The following NOL4 variants were observed in gnomAD, a reference collection of about 807,000 sequenced individuals.
NOL4 encodes cancer/testis antigen 125.
Under a neutral mutation model 75.9 loss-of-function variants are expected in NOL4, and 17 were observed. The ratio of observed to expected loss-of-function variants is 0.22; its 90% CI spans 0.15 to 0.34. NOL4 has a LOEUF of 0.34. NOL4 is among the 10% of genes least tolerant of loss of function. NOL4 has a pLI of 1.00. For missense variants in NOL4, 614 were observed against 793.5 expected, an observed-to-expected ratio of 0.77 and a Z score of 2.72; for synonymous variants, 292 against 289.9, an observed-to-expected ratio of 1.01 and a Z score of -0.07.
At chr18:34,003,412 A>G (rs937745662) in intron 6 of NOL4, among the ~76,000 whole-genome samples, 1 of 152,138 alleles carries the variant, frequency 6.6e-6, no homozygotes, top group Non-Finnish European at 1.5e-5. Flanking sequence ...TTTGTTTAAA[A>G]AGTGAAATAA....
chr18:34,039,883 T>C (rs1311065261), intron 5 of NOL4, among the ~76,000 whole-genome samples: 4 of 151,988 alleles, frequency 2.6e-5, no homozygotes, highest in Non-Finnish European at 5.9e-5. Context: ...GTTTTTCACT[T>C]TCAGCTCAGC....
intron 1 of NOL4, among the ~76,000 whole-genome samples, chr18:34,210,454 A>G (rs925961220): frequency 7.2e-5 from 11 of 152,224 alleles, no homozygotes; most frequent in Non-Finnish European, 1.3e-4. Context: ...TCACATAATT[A>G]TAAGTGAAAC....
chr18:33,962,923 C>G (rs1001156106), intron 6 of NOL4, among the ~76,000 whole-genome samples: 1 of 152,156 alleles, frequency 6.6e-6, no homozygotes, highest in Non-Finnish European at 1.5e-5. Flanking sequence ...TGCAATCTTG[C>G]AGATCTGAAA....
chr18:33,921,509 G>A (rs1388778700), intron 9 of NOL4, among the ~76,000 whole-genome samples: 4 of 152,274 alleles, frequency 2.6e-5, no homozygotes, highest in East Asian at 3.9e-4. Context: ...GTTAAGATGA[G>A]GCAATACTGA....
In NOL4 at chr18:33,852,759, C is replaced by T; in HGVS notation, c.*83G>A. The T allele has an allele frequency of 1.7e-6, 2 of 1,196,454 alleles. No homozygotes were observed. The highest frequency in any genetic ancestry group is 2.4e-6 in the Non-Finnish European group (2 of 836,338). The allele number at this position is 1,196,454 out of a possible 1,614,324, so 74.1% of individuals were successfully genotyped here. A position where few individuals can be genotyped will look rare whatever the true frequency, so the allele number is the denominator to read the frequency against. The stretch of plus-strand genomic sequence containing the variant: ...CTCTTAAAAGACTGTGCAGTAAGAC[C>T]AGAAGTATCTCTGTTGGGAAATCAA... On this transcript the variant is annotated 3_prime_UTR_variant, in exon 11 of 11. Transcript: ENST00000261592.
intron 10 of NOL4, among the ~76,000 whole-genome samples, chr18:33,857,326 C>T (rs1207861799): frequency 6.6e-6 from 1 of 151,616 alleles, no homozygotes; most frequent in Non-Finnish European, 1.5e-5. Flanking sequence ...GATTTTACTT[C>T]TTCTTTTAAC....
intron 6 of NOL4, among the ~76,000 whole-genome samples, chr18:34,002,257 T>A (rs1216103324): frequency 1.3e-5 from 2 of 152,154 alleles, no homozygotes; most frequent in East Asian, 3.9e-4. Flanking sequence ...GACTCATTTT[T>A]TTCCAGTAGC....
chr18:34,106,770 C>A (rs925866404), intron 2 of NOL4, among the ~76,000 whole-genome samples: 3 of 151,912 alleles, frequency 2.0e-5, no homozygotes, highest in Admixed American at 6.6e-5. Context: ...AGGGAATAAA[C>A]ACTTCTAACT....
chr18:34,204,435 T>TGG (rs766620298), intron 1 of NOL4, among the ~76,000 whole-genome samples: 10,661 of 152,230 alleles, frequency 0.07, 724 homozygotes, highest in African/African-American at 0.18. Flanking sequence ...ATCCTTCTCT[T>TGG]ATCCTTTTAT....
chr18:34,137,611 A>G (rs2080946680), intron 1 of NOL4, among the ~76,000 whole-genome samples: 1 of 152,178 alleles, frequency 6.6e-6, no homozygotes, highest in East Asian at 1.9e-4. Flanking sequence ...TAGGATTGCT[A>G]TATTAAATAA....
intron 5 of NOL4, among the ~76,000 whole-genome samples, chr18:34,083,643 A>G (rs1334207625): frequency 6.6e-6 from 1 of 152,210 alleles, no homozygotes; most frequent in Non-Finnish European, 1.5e-5. Context: ...GTTGTCAATA[A>G]TACTTAAATA....
In NOL4 at chr18:33,852,210, G is replaced by T. The variant is rs1308497617; in HGVS notation, c.*632C>A. 1 of 152,372 alleles carries T rather than the reference G, an allele frequency of 6.6e-6. No homozygotes were observed. Among genetic ancestry groups the T allele is most frequent in the South Asian group, 2.1e-4 (1 of 4,824 alleles). The allele number at this position is 152,372 out of a possible 1,614,324, so 9.4% of individuals were successfully genotyped here. On this transcript the variant is annotated 3_prime_UTR_variant, in exon 11 of 11. Coordinates refer to ENST00000261592, the MANE Select transcript of NOL4 (RefSeq NM_003787.5). ...GCATCAAGTGTTATTTTTGTAGAAA[G>T]AATTTGGAAAGAGGAGAAGGCAAAG...
intron 1 of NOL4, among the ~76,000 whole-genome samples, chr18:34,147,552 C>A (rs1600724156): frequency 6.6e-6 from 1 of 152,090 alleles, no homozygotes; most frequent in Non-Finnish European, 1.5e-5. Context: ...AGCCTTGCAT[C>A]CCAGGTGTGA....
chr18:34,043,968 G>C (rs2076251114), intron 5 of NOL4, among the ~76,000 whole-genome samples: 1 of 152,028 alleles, frequency 6.6e-6, no homozygotes, highest in South Asian at 2.1e-4. Context: ...TAAATAAAAA[G>C]AGTTCCATCC....
intron 4 of NOL4, among the ~76,000 whole-genome samples, chr18:34,095,831 C>T (rs565636723): frequency 6.6e-6 from 1 of 151,902 alleles, no homozygotes; most frequent in African/African-American, 2.4e-5. Context: ...ACTAAAGTAG[C>T]TGTGTGTTTA....
chr18:34,050,913 C>T (rs961460958), intron 5 of NOL4, among the ~76,000 whole-genome samples: 8 of 151,892 alleles, frequency 5.3e-5, no homozygotes, highest in Non-Finnish European at 1.0e-4. Context: ...TCTAAAAAGC[C>T]GCCTTTCATG....
At position 33,875,796 on chromosome 18, in the gene NOL4, C is replaced by G. The variant is rs192419528; in HGVS notation, c.1723+7448G>C. Among the ~76,000 whole-genome samples the G allele has an allele frequency of 2.5e-4, 38 of 152,090 alleles. No individual in the cohort carries two copies. The East Asian group carries it at 5.2e-3, about 21-fold the overall frequency. On this transcript the variant is annotated intron_variant, in intron 10 of 10. Transcript: ENST00000261592. ...ATATTATTGAGCACTTGCTATATGT[C>G]TGACCTTACTTAGAGGGATATAACA...
At chr18:34,136,081 C>T (rs573026015) in intron 1 of NOL4, among the ~76,000 whole-genome samples, 1 of 151,960 alleles carries the variant, frequency 6.6e-6, no homozygotes, top group African/African-American at 2.4e-5. Context: ...ATAAAGGACA[C>T]AAGCATATTA....
At chr18:34,070,980 T>C (rs1035423876) in intron 5 of NOL4, among the ~76,000 whole-genome samples, 16 of 152,202 alleles carry the variant, frequency 1.1e-4, no homozygotes, top group Middle Eastern at 6.8e-3. Context: ...TAAAATGGTG[T>C]GGTCAATGGG....
Sources: gnomAD v4.1 joint callset for allele counts (sites outside exome capture counted in the v4.1 genomes callset) on GRCh38, gnomAD v4.1.1 for gene constraint, MANE v1.5 for transcripts, NCBI Gene and HGNC (gene_info 2026-07-23, HGNC 2026-07-21) for gene names.